Variants in ITPKB observed in about 807,000 individuals in gnomAD.
ITPKB encodes the protein inositol-trisphosphate 3-kinase B, also known as IP3 3-kinase B.
In ITPKB, 13 loss-of-function variants were observed where a neutral mutation model predicts 69.4. That is an observed-to-expected ratio of 0.19 (90% confidence interval 0.12 to 0.30). The LOEUF is 0.30. ITPKB is among the 10% of genes least tolerant of loss of function. The pLI is 1.00. For synonymous variants in ITPKB, 584 were observed against 513.7 expected, an observed-to-expected ratio of 1.14 and a Z score of -1.85; for missense variants, 1,240 against 1,250.5, an observed-to-expected ratio of 0.99 and a Z score of 0.13.
At chr1:226,654,951 AGAGGAGG>A (rs1307648554) in intron 2 of ITPKB, among the ~76,000 whole-genome samples, 7 of 151,290 alleles carry the variant, frequency 4.6e-5, no homozygotes, top group Admixed American at 6.6e-5. Flanking sequence ...GGGAGGAGGA[AGAGGAGG>A]GAGGAGGGAG....
intron 2 of ITPKB, among the ~76,000 whole-genome samples, chr1:226,696,529 T>C (rs1230986828): frequency 6.6e-6 from 1 of 152,200 alleles, no homozygotes; most frequent in Non-Finnish European, 1.5e-5. Context: ...CTGTATTTTC[T>C]ACTGTTTTCT....
intron 2 of ITPKB, among the ~76,000 whole-genome samples, chr1:226,721,365 A>T (rs1023929873): frequency 4.9e-4 from 74 of 151,810 alleles, no homozygotes; most frequent in Middle Eastern, 3.4e-3. Context: ...AAAAAAAAAA[A>T]AAAAGAAATA....
chr1:226,715,082 T>C (rs1195615657), intron 2 of ITPKB, among the ~76,000 whole-genome samples: 2 of 152,230 alleles, frequency 1.3e-5, no homozygotes, highest in Non-Finnish European at 2.9e-5. Flanking sequence ...ATTACTATGA[T>C]TTTAGACATG....
rs150134683 is a variant in ITPKB at position 226,646,034 on chromosome 1, G to GTC, written c.2246+1131_2246+1132dup. 2.6e-4 allele frequency among the ~76,000 whole-genome samples: 39 copies of GTC among 152,044 alleles called. No individual in the cohort carries two copies. The South Asian group carries it at 4.6e-3, about 18-fold the overall frequency. On this transcript the variant is annotated intron_variant, in intron 4 of 7. Coordinates refer to ENST00000429204, the MANE Select transcript of ITPKB (RefSeq NM_002221.4). Reference sequence around the variant, plus strand: ...CTCTTCTCTCCTGGCCTCTGTCTCTGTCTCTCTCTCTCTCACACACACACC... The same window carrying GTC: ...CTCTTCTCTCCTGGCCTCTGTCTCTGTCTCTCTCTCTCTCTCACACACACACC...
At position 226,736,116 on chromosome 1, in the gene ITPKB, G is replaced by A. The variant is rs748457093; in HGVS notation, c.1343C>T (p.Pro448Leu). The A allele has an allele frequency of 9.4e-6, 15 of 1,599,130 alleles. No individual in the cohort carries two copies. The highest frequency in any genetic ancestry group is 1.2e-5 in the Non-Finnish European group (14 of 1,171,816). The part of the protein sequence containing the change: ...QLSDRVEGGS[P>L]TLGLLGGSPS... ...GCTGCCCCCAAGCAAGCCCAGCGTT[G>A]GGGACCCTCCCTCCACTCTGTCGGA... Residue 448 changes from proline (P) to leucine (L), a missense_variant, in exon 2 of 8, where the codon CCA (proline) becomes CTA (leucine). By Grantham distance (98) the Pro-to-Leu change is moderately conservative (BLOSUM62 -3). This residue lies in a region of ITPKB where 992 missense variants were observed against 853.8 expected (regional missense o/e 1.16). Transcript: ENST00000429204.
rs755950085 is a variant in ITPKB at position 226,641,957 on chromosome 1, G to A, written c.2415C>T (p.Ser805=). 5.6e-6 allele frequency: 9 copies of A among 1,613,998 alleles called. No homozygotes were observed. The African/African-American group carries it at 9.3e-5, about 17-fold the overall frequency. Residue 805 remains serine (S), a synonymous_variant, in exon 5 of 8, where the codon TCC becomes TCT. Coordinates refer to ENST00000429204, the MANE Select transcript of ITPKB (RefSeq NM_002221.4). This position sits in a 1 kb window ranked among gnomAD's most constrained non-coding sequence, Gnocchi z 4.6. ...RYMQWRETIS[S]TATLGFRIEG... Reference sequence around the variant, plus strand: ...CGATCCTGAACCCCAGGGTGGCCGTGGAGCTGATGGTCTCCCGCCACTGCA... The same window carrying A: ...CGATCCTGAACCCCAGGGTGGCCGTAGAGCTGATGGTCTCCCGCCACTGCA...
chr1:226,693,229 A>G (rs3768394), intron 2 of ITPKB, among the ~76,000 whole-genome samples: 36,356 of 151,972 alleles, frequency 0.24, 4,618 homozygotes, highest in East Asian at 0.34. Context: ...ACAGCCAAAA[A>G]CTCAGAAGCA....
intron 2 of ITPKB, among the ~76,000 whole-genome samples, chr1:226,669,987 C>A (rs371457677): frequency 4.0e-5 from 6 of 151,398 alleles, no homozygotes; most frequent in African/African-American, 1.5e-4. Flanking sequence ...AATTCTCCTG[C>A]CTCAACCTCC....
chr1:226,717,589 CTTTT>C (rs974375931), intron 2 of ITPKB, among the ~76,000 whole-genome samples: 4 of 152,154 alleles, frequency 2.6e-5, no homozygotes, highest in African/African-American at 9.7e-5. Context: ...CTTTGTTTTT[CTTTT>C]TATTTCCAGG....
chr1:226,716,333 A>G (rs1657095131), intron 2 of ITPKB, among the ~76,000 whole-genome samples: 1 of 152,210 alleles, frequency 6.6e-6, no homozygotes, highest in African/African-American at 2.4e-5. Flanking sequence ...CCCATACTCT[A>G]AAAAGAGATT....
At position 226,736,656 on chromosome 1, in the gene ITPKB, C is replaced by A. The variant is rs1191349461; in HGVS notation, c.803G>T (p.Gly268Val). Residue 268 changes from glycine (G) to valine (V), a missense_variant, in exon 2 of 8, where the codon GGC becomes GTC. By Grantham distance (109) the Gly-to-Val change is moderately radical. Around this residue, in one of 2 missense-constraint regions of ITPKB, gnomAD observed 992 missense variants for 853.8 expected, o/e 1.16. Coordinates refer to ENST00000429204, the MANE Select transcript of ITPKB (RefSeq NM_002221.4). ...GTCAATTTCCATAGCTGTGGGTGAG[C>A]CACAGCGGGGACTGGCAGGGATACC... ...EKGIPASPRC[G>V]SPTAMEIDKR... The A allele has an allele frequency of 6.2e-6, 10 of 1,613,426 alleles. No individual in the cohort carries two copies. The highest frequency in any genetic ancestry group is 1.7e-5 in the Admixed American group (1 of 60,030).
chr1:226,717,065 G>A lies in ITPKB; in HGVS notation c.1932+18462C>T, dbSNP rs573852095. Reference sequence around the variant, plus strand: ...AAGATGCTTTATTTCACACACTACCGGGTTCATGTATATCACCGGGCAGAA... The same window carrying A: ...AAGATGCTTTATTTCACACACTACCAGGTTCATGTATATCACCGGGCAGAA... On this transcript the variant is annotated intron_variant, in intron 2 of 7. Coordinates refer to ENST00000429204, the MANE Select transcript of ITPKB (RefSeq NM_002221.4). 9.2e-5 allele frequency among the ~76,000 whole-genome samples: 14 copies of A among 152,074 alleles called. No individual in the cohort carries two copies. The South Asian group carries it at 2.3e-3, about 25-fold the overall frequency.
intron 2 of ITPKB, among the ~76,000 whole-genome samples, chr1:226,651,217 A>T (rs1669185496): frequency 6.6e-6 from 1 of 152,112 alleles, no homozygotes; most frequent in Non-Finnish European, 1.5e-5. Flanking sequence ...TGGGAACCAG[A>T]CCTGCTATGG....
intron 2 of ITPKB, chr1:226,707,947 A>C: frequency 7.6e-7 from 1 of 1,313,242 alleles, no homozygotes; most frequent in Non-Finnish European, 1.0e-6. Flanking sequence ...TCATTTTAAC[A>C]AAAATACTCA....
chr1:226,681,433 C>T (rs1656091075), intron 2 of ITPKB, among the ~76,000 whole-genome samples: 1 of 152,116 alleles, frequency 6.6e-6, no homozygotes, highest in South Asian at 2.1e-4. Context: ...CTTGTGTGTC[C>T]ATTCTCTAAG....
Position 226,634,726 on chromosome 1 carries a change from A to C in ITPKB, c.2786T>G (p.Leu929Arg). 1 of 1,055,382 alleles carries C rather than the reference A, an allele frequency of 9.5e-7. No individual in the cohort carries two copies. Among genetic ancestry groups the C allele is most frequent in the Non-Finnish European group, 1.5e-6 (1 of 669,810 alleles). The allele number at this position is 1,055,382 out of a possible 1,614,324, so 65.4% of individuals were successfully genotyped here. Residue 929 changes from leucine to arginine, a missense_variant, in exon 8 of 8, where the codon CTC (leucine) becomes CGC (arginine). Physicochemically the swap from Leu to Arg is moderately radical, Grantham distance 102. Transcript: ENST00000429204. This position sits in a 1 kb window ranked among gnomAD's most constrained non-coding sequence, Gnocchi z 6.3. ...GGTCAGGATGTCGACGAGGTTATTG[A>C]GCCCCGAGAGGTAGCCATCCTCCCG... is the stretch of plus-strand genomic sequence containing the variant. The part of the protein sequence containing the change: ...GNREDGYLSG[L>R]NNLVDILTEM...
chr1:226,647,427 T>C, intron 3 of ITPKB, 47 bp from the exon 4 acceptor site: 1 of 1,431,996 alleles, frequency 7.0e-7, no homozygotes, highest in Non-Finnish European at 9.7e-7. Context: ...TGCAGGTAGC[T>C]GGCAGAGGCA....
chr1:226,660,659 G>A (rs1003759363), intron 2 of ITPKB, among the ~76,000 whole-genome samples: 2 of 151,592 alleles, frequency 1.3e-5, no homozygotes, highest in Non-Finnish European at 2.9e-5. Flanking sequence ...CTCACACCAG[G>A]GGCCTCGCAG....
chr1:226,678,142 A>C (rs892272709), intron 2 of ITPKB, among the ~76,000 whole-genome samples: 1 of 152,212 alleles, frequency 6.6e-6, no homozygotes, highest in Non-Finnish European at 1.5e-5. Flanking sequence ...ACACCTCCAC[A>C]ATTTGTCCAA....
Sources: gnomAD v4.1 joint callset for allele counts (sites outside exome capture counted in the v4.1 genomes callset) on GRCh38, gnomAD v4.1.1 for gene constraint, gnomAD v4.1.1 regional missense constraint, Gnocchi (gnomAD v3.1) non-coding constraint, MANE v1.5 for transcripts, NCBI Gene and HGNC (gene_info 2026-07-23, HGNC 2026-07-21) for gene names.